The following LCOR variants were observed in gnomAD, a reference collection of about 807,000 sequenced individuals.
LCOR encodes the protein ligand-dependent corepressor.
In LCOR, 14 loss-of-function variants were observed where a neutral mutation model predicts 64.4. The observed-to-expected ratio is 0.22, with a 90% confidence interval of 0.14 to 0.34. The LOEUF is 0.34. LCOR is among the 10% of genes least tolerant of loss of function. The pLI, the probability that LCOR is intolerant of heterozygous loss-of-function variation, is 1.00. For synonymous variants in LCOR, 643 were observed against 642.5 expected (o/e 1.00, Z -0.01); for missense variants, 1,686 against 1,765.3 (o/e 0.96, Z 0.80).
chr10:96,896,295 G>T (rs1846535667), intron 2 of LCOR, among the ~76,000 whole-genome samples: 1 of 152,092 alleles, frequency 6.6e-6, no homozygotes, highest in Non-Finnish European at 1.5e-5. Context: ...GTATTAGACT[G>T]ACATACATAC....
chr10:96,989,617 G>A lies in LCOR; in HGVS notation c.*4483G>A, dbSNP rs1848178572. The A allele has an allele frequency of 1.4e-5, 2 of 144,550 alleles. No individual in the cohort carries two copies. The highest frequency in any genetic ancestry group is 6.9e-5 in the Admixed American group (1 of 14,462). 9.0% of individuals were successfully genotyped at this position (144,550 alleles called of 1,614,324 possible). A position where few individuals can be genotyped will look rare whatever the true frequency, so the allele number is the denominator to read the frequency against. ...ATTTAAAAAATTGGAGTTATAACCAGAGTATGACTGAAAAGCTATTATAGT... is the reference window on the plus strand; with the variant it reads ...ATTTAAAAAATTGGAGTTATAACCAAAGTATGACTGAAAAGCTATTATAGT... On this transcript the variant is annotated 3_prime_UTR_variant, in exon 8 of 8. Transcript: ENST00000421806.
At chr10:96,844,073 AACCT>A (rs1328154197) in intron 2 of LCOR, among the ~76,000 whole-genome samples, 1 of 149,218 alleles carries the variant, frequency 6.7e-6, no homozygotes, top group Admixed American at 6.7e-5. Flanking sequence ...TATGCTCTTT[AACCT>A]ACCTACCTTC....
rs12777701 is a variant in LCOR at position 96,920,519 on chromosome 10, G to A, written c.-184+12772G>A. ...ATGTGTATATATGTATGTATATTCAGATATATGTGTATATATGTATGTATA... is the reference window on the plus strand; with the variant it reads ...ATGTGTATATATGTATGTATATTCAAATATATGTGTATATATGTATGTATA... On this transcript the variant is annotated intron_variant, in intron 4 of 7. Coordinates refer to ENST00000421806, the MANE Select transcript of LCOR (RefSeq NM_001346516.2). Among the ~76,000 whole-genome samples the A allele has an allele frequency of 3.2e-3, 306 of 94,318 alleles. 5 individuals carry two copies. Among genetic ancestry groups the A allele is most frequent in the Non-Finnish European group, 5.7e-3 (250 of 43,840 alleles). 61.9% of individuals were successfully genotyped at this position (94,318 alleles called of 152,430 possible). A position where few individuals can be genotyped will look rare whatever the true frequency, so the allele number is the denominator to read the frequency against.
intron 4 of LCOR, among the ~76,000 whole-genome samples, chr10:96,937,826 A>G (rs1847377793): frequency 6.6e-6 from 1 of 152,248 alleles, no homozygotes; most frequent in Non-Finnish European, 1.5e-5. Flanking sequence ...TATGAGTACC[A>G]GCACAAAAAA....
intron 4 of LCOR, among the ~76,000 whole-genome samples, chr10:96,934,303 T>C (rs7080986): frequency 2.2e-3 from 342 of 152,362 alleles, no homozygotes; most frequent in African/African-American, 7.5e-3. Context: ...TTTGGGTTAA[T>C]GGTGGTGTCA....
At chr10:96,947,873 T>G (rs1455632845) in intron 5 of LCOR, among the ~76,000 whole-genome samples, 1 of 152,146 alleles carries the variant, frequency 6.6e-6, no homozygotes, top group East Asian at 1.9e-4. Flanking sequence ...CCTCATTTTA[T>G]TTTTTTAAAA....
At chr10:96,939,639 CA>C (rs1174848146) in intron 4 of LCOR, among the ~76,000 whole-genome samples, 1 of 152,018 alleles carries the variant, frequency 6.6e-6, no homozygotes, top group Non-Finnish European at 1.5e-5. Flanking sequence ...TACAATGCAA[CA>C]ATAAAATGGT....
rs140713735 is a variant in LCOR, at chr10:96,982,290, A to G, written c.1830A>G (p.Glu610=). ...PNLSSSPRSE[E]TTASSLVWPL... is the part of the protein sequence containing the mutation. ...TGAGCAGCTCCCCTAGGTCAGAGGA[A>G]ACGACAGCCTCCAGCCTGGTGTGGC... Residue 610 remains glutamate (E), a synonymous_variant, in exon 8 of 8, where the codon GAA becomes GAG. Coordinates refer to ENST00000421806, the MANE Select transcript of LCOR (RefSeq NM_001346516.2). 21 of 1,614,198 alleles carry G rather than the reference A, an allele frequency of 1.3e-5. No homozygotes were observed. The African/African-American group carries it at 2.5e-4, about 19-fold the overall frequency.
intron 2 of LCOR, among the ~76,000 whole-genome samples, chr10:96,887,116 T>A (rs1378131379): frequency 6.6e-6 from 1 of 152,176 alleles, no homozygotes; most frequent in Non-Finnish European, 1.5e-5. Flanking sequence ...TTGACAGTTG[T>A]TCTGATATGG....
At chr10:96,841,188 G>A (rs1213796354) in intron 2 of LCOR, among the ~76,000 whole-genome samples, 1 of 151,872 alleles carries the variant, frequency 6.6e-6, no homozygotes. Context: ...GAGGTGAAGG[G>A]GATTACTTAG....
chr10:96,912,233 C>T (rs1389607973), intron 4 of LCOR, among the ~76,000 whole-genome samples: 1 of 152,084 alleles, frequency 6.6e-6, no homozygotes, highest in African/African-American at 2.4e-5. Context: ...ACCCGGCCTT[C>T]TTTAACCTTT....
chr10:96,913,537 T>C (rs775905463), intron 4 of LCOR, among the ~76,000 whole-genome samples: 2 of 152,210 alleles, frequency 1.3e-5, no homozygotes, highest in African/African-American at 4.8e-5. Flanking sequence ...TAGGATGTTA[T>C]ACCAAAATAT....
chr10:96,964,197 G>T (rs1024821527), intron 7 of LCOR: 1 of 148,478 alleles, frequency 6.7e-6, no homozygotes, highest in African/African-American at 2.5e-5. Flanking sequence ...GTGTCTTAAT[G>T]TATGTGATGA....
chr10:96,983,009 A>G lies in LCOR; in HGVS notation c.2549A>G (p.Asn850Ser). The change falls in exon 8 of 8, where the codon AAT (asparagine) becomes AGT (serine). Residue 850 changes from asparagine to serine, a missense_variant. Asn to Ser is a conservative substitution (Grantham distance 46). This residue lies in a region of LCOR where 1,293 missense variants were observed against 1,410.4 expected (regional missense o/e 0.92). Coordinates refer to ENST00000421806, the MANE Select transcript of LCOR (RefSeq NM_001346516.2). The surrounding 1 kb of genome is among the most constrained non-coding windows in gnomAD (Gnocchi z 4.5). ...TGTCTTGAAATCAAAGTTCCTAAAA[A>G]TCCTAGTGCAAAACGTTCAAAAAAA... ...SACLEIKVPK[N>S]PSAKRSKKEG... 6.2e-7 allele frequency: 1 copy of G among 1,613,632 alleles called. No homozygotes were observed. Among genetic ancestry groups the G allele is most frequent in the African/African-American group, 1.3e-5 (1 of 74,922 alleles).
intron 4 of LCOR, among the ~76,000 whole-genome samples, chr10:96,932,499 C>G (rs1414853515): frequency 6.6e-6 from 1 of 152,076 alleles, no homozygotes; most frequent in Non-Finnish European, 1.5e-5. Flanking sequence ...GAGTCTCGCT[C>G]TGTTCCCAGG....
Position 96,989,625 on chromosome 10 carries a change from C to T in LCOR, c.*4491C>T, listed in dbSNP as rs902305673. On this transcript the variant is annotated 3_prime_UTR_variant, in exon 8 of 8. Coordinates refer to ENST00000421806, the MANE Select transcript of LCOR (RefSeq NM_001346516.2). ...AATTGGAGTTATAACCAGAGTATGA[C>T]TGAAAAGCTATTATAGTCTTCCTCC... The T allele has an allele frequency of 6.4e-5, 9 of 140,576 alleles. No homozygotes were observed. The highest frequency in any genetic ancestry group is 3.6e-4 in the Admixed American group (5 of 13,786). 8.7% of individuals were successfully genotyped at this position (140,576 alleles called of 1,614,324 possible).
rs139744532 is a variant in LCOR, at chr10:96,862,342, T to G, written c.-330+28863T>G. 1.5e-4 allele frequency among the ~76,000 whole-genome samples: 23 copies of G among 152,140 alleles called. No homozygotes were observed. In the East Asian group the frequency reaches 4.5e-3, roughly 29 times the overall value. On this transcript the variant is annotated intron_variant, in intron 2 of 7. Transcript: ENST00000421806. ...AGGCTGGAGTGCTGTGGCATAACCTTGGCTCACTGCAGCCTCGATCTGAAG... is the reference window on the plus strand; with the variant it reads ...AGGCTGGAGTGCTGTGGCATAACCTGGGCTCACTGCAGCCTCGATCTGAAG...
intron 4 of LCOR, among the ~76,000 whole-genome samples, chr10:96,925,877 A>G (rs546666330): frequency 6.6e-6 from 1 of 152,162 alleles, no homozygotes; most frequent in South Asian, 2.1e-4. Context: ...TTTTTTAGTT[A>G]GCTTTATACT....
intron 4 of LCOR, among the ~76,000 whole-genome samples, chr10:96,938,385 C>A (rs956169716): frequency 3.3e-5 from 5 of 151,894 alleles, no homozygotes; most frequent in Admixed American, 6.6e-5. Context: ...AAAACAAACA[C>A]AACAAACTAG....
Sources: allele counts gnomAD v4.1 joint callset (sites outside exome capture counted in the v4.1 genomes callset), GRCh38; gene constraint gnomAD v4.1.1; regional missense constraint gnomAD v4.1.1; non-coding constraint Gnocchi (gnomAD v3.1); transcripts MANE v1.5; gene names NCBI Gene and HGNC (gene_info 2026-07-23, HGNC 2026-07-21).